GRM1: variants seen among roughly 807,000 people sequenced by gnomAD.
GRM1 encodes glutamate metabotropic receptor 1.
A neutral mutation model predicts 90.9 loss-of-function variants in GRM1; 33 were observed. The ratio of observed to expected loss-of-function variants is 0.36; its 90% CI spans 0.28 to 0.49. The LOEUF is 0.49. Among genes scored for constraint, GRM1 ranks in the 20% least tolerant of loss-of-function variants. The probability of loss-of-function intolerance (pLI) is 0.99; values close to 1 mark genes in which losing one functional copy is unlikely to be tolerated. For synonymous variants in GRM1, 700 were observed against 613.2 expected (o/e 1.14, Z -2.09); for missense variants, 1,190 against 1,534.3 (o/e 0.78, Z 3.75).
intron 2 of GRM1, among the ~76,000 whole-genome samples, chr6:146,210,090 C>A (rs1779637896): frequency 6.6e-6 from 1 of 152,082 alleles, no homozygotes; most frequent in South Asian, 2.1e-4. Context: ...TTTTCACATG[C>A]AATATCATAG....
intron 3 of GRM1, among the ~76,000 whole-genome samples, chr6:146,344,878 C>G: frequency 6.6e-6 from 1 of 152,098 alleles, no homozygotes; most frequent in East Asian, 1.9e-4. Context: ...ATGGCATGAT[C>G]TCGGCTCACC....
At chr6:146,316,393 T>G (rs1308567126) in intron 3 of GRM1, among the ~76,000 whole-genome samples, 5 of 152,174 alleles carry the variant, frequency 3.3e-5, no homozygotes, top group African/African-American at 1.2e-4. Context: ...ATTCGCAAAG[T>G]CTCTTTTACC....
Position 146,170,932 on chromosome 6 carries a change from T to A in GRM1, c.950+11335T>A, listed in dbSNP as rs564279409. 1.7e-4 allele frequency among the ~76,000 whole-genome samples: 26 copies of A among 152,246 alleles called. No homozygotes were observed. In the East Asian group the frequency reaches 4.8e-3, roughly 28 times the overall value. ...CTGTTCCTCTTCTCTGGGGCTTGAT[T>A]TTGTTATTGTTTATATTTTTTGTCT... On this transcript the variant is annotated intron_variant, in intron 2 of 7. Transcript: ENST00000282753.
chr6:146,206,801 C>T (rs1779510867), intron 2 of GRM1, among the ~76,000 whole-genome samples: 1 of 152,100 alleles, frequency 6.6e-6, no homozygotes, highest in Non-Finnish European at 1.5e-5. Flanking sequence ...TCTCTCTTCT[C>T]TCACCCTCTC....
At chr6:146,079,786 A>C (rs1776302645) in intron 1 of GRM1, among the ~76,000 whole-genome samples, 1 of 152,212 alleles carries the variant, frequency 6.6e-6, no homozygotes, top group Admixed American at 6.5e-5. Context: ...AACCAGACTG[A>C]TGTTTCATAA....
chr6:146,411,466 C>T (rs1777563848), intron 7 of GRM1, among the ~76,000 whole-genome samples: 2 of 152,152 alleles, frequency 1.3e-5, no homozygotes, highest in South Asian at 4.1e-4. Flanking sequence ...TTAGAGGAAG[C>T]CTTATGAGCT....
At chr6:146,300,722 G>A (rs1289387591) in intron 2 of GRM1, among the ~76,000 whole-genome samples, 4 of 151,872 alleles carry the variant, frequency 2.6e-5, no homozygotes, top group African/African-American at 9.7e-5. Context: ...TCTGAGGCTG[G>A]GTCACTACCC....
At chr6:146,375,519 TG>T (rs1339919580) in intron 5 of GRM1, among the ~76,000 whole-genome samples, 1 of 152,046 alleles carries the variant, frequency 6.6e-6, no homozygotes, top group Non-Finnish European at 1.5e-5. Context: ...ATTATTGTAT[TG>T]GGGCCTGTCT....
At chr6:146,121,315 G>C (rs954124769) in intron 1 of GRM1, among the ~76,000 whole-genome samples, 1 of 152,108 alleles carries the variant, frequency 6.6e-6, no homozygotes, top group Admixed American at 6.6e-5. Context: ...GCGTCTATTT[G>C]ATTCTTCTCT....
intron 3 of GRM1, among the ~76,000 whole-genome samples, chr6:146,311,883 C>A (rs940206397): frequency 6.6e-6 from 1 of 152,022 alleles, no homozygotes; most frequent in Non-Finnish European, 1.5e-5. Flanking sequence ...TTTTCTGGAA[C>A]CTTATTTATT....
At chr6:146,132,278 G>A (rs1240185990) in intron 1 of GRM1, among the ~76,000 whole-genome samples, 1 of 151,860 alleles carries the variant, frequency 6.6e-6, no homozygotes, top group African/African-American at 2.4e-5. Flanking sequence ...AAAAACAGTG[G>A]ATGTGGTGGG....
At chr6:146,322,845 C>T (rs569096284) in intron 3 of GRM1, among the ~76,000 whole-genome samples, 40 of 151,900 alleles carry the variant, frequency 2.6e-4, no homozygotes, top group Admixed American at 2.4e-3. Flanking sequence ...TGAGTGAGAA[C>T]ATGTGGTGTT....
At chr6:146,215,906 G>A (rs1779855169) in intron 2 of GRM1, among the ~76,000 whole-genome samples, 1 of 151,950 alleles carries the variant, frequency 6.6e-6, no homozygotes, top group South Asian at 2.1e-4. Context: ...ACAGGTGCCT[G>A]CCACCATGCC....
At chr6:146,134,054 G>T (rs1162381596) in intron 1 of GRM1, among the ~76,000 whole-genome samples, 1 of 152,174 alleles carries the variant, frequency 6.6e-6, no homozygotes, top group East Asian at 1.9e-4. Flanking sequence ...ATTGACTTGG[G>T]CTTGCCCAGT....
At chr6:146,046,235 T>C (rs1188370222) in intron 1 of GRM1, among the ~76,000 whole-genome samples, 1 of 152,066 alleles carries the variant, frequency 6.6e-6, no homozygotes, top group Non-Finnish European at 1.5e-5. Context: ...GTATTGTTAT[T>C]TTCTCATTTT....
At chr6:146,033,778 A>G (rs1790788072) in intron 1 of GRM1, among the ~76,000 whole-genome samples, 1 of 151,870 alleles carries the variant, frequency 6.6e-6, no homozygotes, top group Non-Finnish European at 1.5e-5. Flanking sequence ...TTCCTTTTTA[A>G]GTACTTTTTT....
At chr6:146,097,218 T>G (rs1431023192) in intron 1 of GRM1, among the ~76,000 whole-genome samples, 5 of 152,208 alleles carry the variant, frequency 3.3e-5, no homozygotes, top group Non-Finnish European at 7.4e-5. Context: ...GATTTTACTC[T>G]TTTCCTTATC....
intron 2 of GRM1, among the ~76,000 whole-genome samples, chr6:146,283,757 T>G (rs1307848393): frequency 6.6e-6 from 1 of 152,182 alleles, no homozygotes; most frequent in Non-Finnish European, 1.5e-5. Context: ...ACCACTTAAG[T>G]AATTTGCCCA....
At chr6:146,293,107 G>T (rs1386704536) in intron 2 of GRM1, among the ~76,000 whole-genome samples, 1 of 151,974 alleles carries the variant, frequency 6.6e-6, no homozygotes, top group African/African-American at 2.4e-5. Flanking sequence ...GATTGCCAGG[G>T]ACTGGGGACA....
Sources: gnomAD v4.1 joint callset for allele counts (sites outside exome capture counted in the v4.1 genomes callset) on GRCh38, gnomAD v4.1.1 for gene constraint, MANE v1.5 for transcripts, NCBI Gene and HGNC (gene_info 2026-07-23, HGNC 2026-07-21) for gene names.